Variants in DUS2 observed in about 807,000 individuals in gnomAD.
The protein encoded by DUS2 is tRNA-dihydrouridine(20) synthase [NAD(P)+]-like.
DUS2 carries 52 observed loss-of-function variants against 71.3 expected under a neutral mutation model. That is an observed-to-expected ratio of 0.73 (90% confidence interval 0.58 to 0.92). DUS2 has a LOEUF of 0.92. Ranked by LOEUF, DUS2 falls within the 40% of genes least tolerant of loss-of-function variation. The pLI is 0.00. For missense variants in DUS2, 558 were observed against 622.6 expected, an observed-to-expected ratio of 0.90 and a Z score of 1.10; for synonymous variants, 204 against 227.8, an observed-to-expected ratio of 0.90 and a Z score of 0.94.
chr16:68,070,082 G>A (rs1351918099), intron 10 of DUS2, 52 bp from the exon 11 acceptor site: 27 of 1,517,282 alleles, frequency 1.8e-5, no homozygotes, highest in Non-Finnish European at 2.4e-5. Flanking sequence ...CTGTGTGAGT[G>A]GTGTCGTGGC....
intron 4 of DUS2, among the ~76,000 whole-genome samples, chr16:68,050,327 G>A (rs1463219584): frequency 1.3e-5 from 2 of 152,088 alleles, no homozygotes; most frequent in Admixed American, 6.6e-5. Flanking sequence ...TAGTAGAGAA[G>A]GGGTTTCACC....
chr16:68,043,668 C>A (rs1296645626), intron 3 of DUS2, among the ~76,000 whole-genome samples: 1 of 152,032 alleles, frequency 6.6e-6, no homozygotes, highest in Admixed American at 6.6e-5. Flanking sequence ...GAAATAATTT[C>A]TTTTCTTTTT....
At chr16:68,023,567 C>T in intron 1 of DUS2, 1 of 248,300 alleles carries the variant, frequency 4.0e-6, no homozygotes, top group Non-Finnish European at 8.4e-6. Flanking sequence ...TTGTCCCGTG[C>T]TGGTATCCGA....
chr16:68,067,060 C>T (rs1353193959), intron 10 of DUS2, among the ~76,000 whole-genome samples: 1 of 98,918 alleles, frequency 1.0e-5, no homozygotes, highest in East Asian at 3.3e-4. Flanking sequence ...CCCTCCCTCC[C>T]TCCCTTCCTT....
intron 11 of DUS2, 98 bp downstream of exon 11, chr16:68,070,318 G>A: frequency 8.2e-7 from 1 of 1,223,220 alleles, no homozygotes; most frequent in Non-Finnish European, 1.2e-6. Flanking sequence ...AGTTTTAGGG[G>A]TGGCTTGAAA....
In DUS2 at chr16:68,071,090, G is replaced by A. The variant is rs1209807096; in HGVS notation, c.792G>A (p.Met264Ile). 6.2e-7 allele frequency: 1 copy of A among 1,614,220 alleles called. No homozygotes were observed. The highest frequency in any genetic ancestry group is 8.5e-7 in the Non-Finnish European group (1 of 1,180,036). Residue 264 changes from methionine (M) to isoleucine (I), a missense_variant, in exon 12 of 17, where the codon ATG (methionine) becomes ATA (isoleucine). Met to Ile is a conservative substitution (Grantham distance 10). Coordinates refer to ENST00000565263, the MANE Select transcript of DUS2 (RefSeq NM_017803.5). ...GTCTGCGGCCCCTGGAGGAGGTCAT[G>A]CAGAAATACATCAGATACGTACGTC... The part of the protein sequence containing the change: ...KEGLRPLEEV[M>I]QKYIRYAVQY...
intron 2 of DUS2, among the ~76,000 whole-genome samples, chr16:68,034,488 G>A (rs752942872): frequency 2.0e-5 from 3 of 152,098 alleles, no homozygotes; most frequent in Non-Finnish European, 4.4e-5. Flanking sequence ...AAGTAACCGG[G>A]ACTATAGGCA....
At chr16:68,053,002 G>A (rs2033800830) in intron 4 of DUS2, among the ~76,000 whole-genome samples, 1 of 147,326 alleles carries the variant, frequency 6.8e-6, no homozygotes, top group African/African-American at 2.5e-5. Flanking sequence ...TTGCTCTGTC[G>A]CCCAGGCTGG....
intron 12 of DUS2, among the ~76,000 whole-genome samples, chr16:68,073,796 C>T (rs1447243247): frequency 6.6e-6 from 1 of 151,922 alleles, no homozygotes; most frequent in East Asian, 1.9e-4. Flanking sequence ...CTTACGTTGC[C>T]CAGGCTGCTC....
chr16:68,061,151 A>G lies in DUS2; in HGVS notation c.417+38A>G, dbSNP rs962182526. 2.5e-6 allele frequency: 4 copies of G among 1,598,518 alleles called. No homozygotes were observed. In the African/African-American group the frequency reaches 5.4e-5, roughly 21 times the overall value. On this transcript the variant is annotated intron_variant, in intron 8 of 16. Coordinates refer to ENST00000565263, the MANE Select transcript of DUS2 (RefSeq NM_017803.5). ...CGAGTGAAAGCAGGGGTCCTCAAAC[A>G]CAGCTCCAAACTAGAATTGTCTAGA... is the stretch of plus-strand genomic sequence containing the variant.
chr16:68,074,701 C>T (rs750311320), intron 13 of DUS2, among the ~76,000 whole-genome samples: 6 of 152,236 alleles, frequency 3.9e-5, no homozygotes, highest in Non-Finnish European at 8.8e-5. Flanking sequence ...AGGCTCTCTC[C>T]CTCTCACGTG....
At chr16:68,052,251 A>G (rs1423577847) in intron 4 of DUS2, among the ~76,000 whole-genome samples, 1 of 152,160 alleles carries the variant, frequency 6.6e-6, no homozygotes, top group Admixed American at 6.6e-5. Context: ...AAAAGCATAG[A>G]CATGCAGAAA....
At chr16:68,049,613 C>A in intron 4 of DUS2, 63 bp downstream of exon 4, 2 of 1,480,158 alleles carry the variant, frequency 1.4e-6, no homozygotes, top group Non-Finnish European at 1.9e-6. Flanking sequence ...AGCACTACCA[C>A]TGCCCTTGCC....
At chr16:68,031,136 A>C (rs1174826885) in intron 2 of DUS2, among the ~76,000 whole-genome samples, 2 of 151,682 alleles carry the variant, frequency 1.3e-5, no homozygotes, top group Non-Finnish European at 2.9e-5. Context: ...ACTGAAGACA[A>C]CTCTGGCTTT....
intron 10 of DUS2, among the ~76,000 whole-genome samples, chr16:68,067,999 T>C (rs2034033802): frequency 6.6e-6 from 1 of 152,194 alleles, no homozygotes; most frequent in South Asian, 2.1e-4. Flanking sequence ...CTGCATTTGT[T>C]GGACTGCCAG....
chr16:68,042,173 A>G (rs1417879668), intron 3 of DUS2, among the ~76,000 whole-genome samples: 1 of 152,210 alleles, frequency 6.6e-6, no homozygotes, highest in African/African-American at 2.4e-5. Flanking sequence ...AGGCTTACCT[A>G]TGTTATAGCA....
chr16:68,032,929 AAAG>A (rs1292322673), intron 2 of DUS2, among the ~76,000 whole-genome samples: 22 of 149,492 alleles, frequency 1.5e-4, no homozygotes, highest in Non-Finnish European at 7.4e-5. Flanking sequence ...AAAAAAAAAA[AAAG>A]GGAATGCCAG....
chr16:68,079,155 G>C lies in DUS2; in HGVS notation c.*169G>C, dbSNP rs2034203173. ...AGCATGGACCAGGGGCCGCCCAGGGGTGGATCCTGGCCCCTTTGGTGGATC... is the reference window on the plus strand; with the variant it reads ...AGCATGGACCAGGGGCCGCCCAGGGCTGGATCCTGGCCCCTTTGGTGGATC... On this transcript the variant is annotated 3_prime_UTR_variant, in exon 17 of 17. Coordinates refer to ENST00000565263, the MANE Select transcript of DUS2 (RefSeq NM_017803.5). 5.4e-6 allele frequency: 3 copies of C among 553,302 alleles called. No individual in the cohort carries two copies. Among genetic ancestry groups the C allele is most frequent in the Non-Finnish European group, 9.1e-6 (3 of 328,402 alleles). 34.3% of individuals were successfully genotyped at this position (553,302 alleles called of 1,614,324 possible).
chr16:68,035,425 T>A (rs1213858334), intron 2 of DUS2, among the ~76,000 whole-genome samples: 1 of 151,960 alleles, frequency 6.6e-6, no homozygotes, highest in Non-Finnish European at 1.5e-5. Flanking sequence ...CTCTGTTGCC[T>A]AGACTGGAGT....
Sources: gnomAD v4.1 joint callset for allele counts (sites outside exome capture counted in the v4.1 genomes callset) on GRCh38, gnomAD v4.1.1 for gene constraint, MANE v1.5 for transcripts, NCBI Gene and HGNC (gene_info 2026-07-23, HGNC 2026-07-21) for gene names.